Variants in SCFD2 observed in about 807,000 individuals in gnomAD.
SCFD2 encodes the protein sec1 family domain containing 2.
Under a neutral mutation model 58.9 loss-of-function variants are expected in SCFD2, and 54 were observed. That is an observed-to-expected ratio of 0.92 (90% CI 0.74 to 1.15). The LOEUF (loss-of-function observed/expected upper bound fraction) is 1.15. Ranked by LOEUF, SCFD2 falls within the 50% of genes most tolerant of loss-of-function variation. SCFD2 has a pLI of 0.00. For missense variants in SCFD2, 805 were observed against 836.6 expected (o/e 0.96, Z 0.47); for synonymous variants, 321 against 335.9 (o/e 0.96, Z 0.49).
chr4:53,259,959 ATT>A (rs3065029), intron 4 of SCFD2, among the ~76,000 whole-genome samples: 4 of 142,086 alleles, frequency 2.8e-5, no homozygotes, highest in Admixed American at 6.9e-5. Flanking sequence ...ATAACCAGGT[ATT>A]TTTTTTTTTT....
chr4:52,891,400 G>A (rs568880328), intron 7 of SCFD2, among the ~76,000 whole-genome samples: 2 of 152,186 alleles, frequency 1.3e-5, no homozygotes, highest in Non-Finnish European at 2.9e-5. Context: ...AAAATCAGGT[G>A]GGGGAGGGTA....
chr4:53,342,500 A>T (rs1383667938), intron 2 of SCFD2, among the ~76,000 whole-genome samples: 7 of 152,206 alleles, frequency 4.6e-5, no homozygotes, highest in Non-Finnish European at 7.3e-5. Context: ...CTCCAACACA[A>T]TAATAATGGG....
At chr4:53,245,976 C>T (rs1487495254) in intron 4 of SCFD2, among the ~76,000 whole-genome samples, 3 of 152,022 alleles carry the variant, frequency 2.0e-5, no homozygotes, top group African/African-American at 7.2e-5. Flanking sequence ...CACAAAGCTC[C>T]TCAAGCTAAA....
intron 5 of SCFD2, among the ~76,000 whole-genome samples, chr4:52,988,747 C>A (rs919288101): frequency 6.6e-6 from 1 of 152,152 alleles, no homozygotes; most frequent in African/African-American, 2.4e-5. Flanking sequence ...GACTCAGAGG[C>A]AATACAGGAA....
intron 4 of SCFD2, among the ~76,000 whole-genome samples, chr4:53,176,015 CATTTTCTATT>C (rs1196157568): frequency 5.3e-5 from 8 of 152,104 alleles, no homozygotes; most frequent in Non-Finnish European, 7.4e-5. Context: ...CATAGTTGTC[CATTTTCTATT>C]ATTTTCTATC....
chr4:53,173,221 T>C lies in SCFD2; in HGVS notation c.1312-27639A>G, dbSNP rs186991365. Among the ~76,000 whole-genome samples the C allele has an allele frequency of 1.2e-3, 184 of 152,270 alleles. 3 individuals are homozygous for C. The highest frequency in any genetic ancestry group is 3.5e-4 in the Non-Finnish European group (24 of 67,994). ...AATCCATCATAAGTTGAAAATATTA[T>C]AAACAATGTAAATCAAAAGTGCATT... On this transcript the variant is annotated intron_variant, in intron 4 of 8. Transcript: ENST00000401642.
chr4:53,095,738 T>C (rs532666578), intron 5 of SCFD2, among the ~76,000 whole-genome samples: 122 of 152,316 alleles, frequency 8.0e-4, no homozygotes, highest in African/African-American at 2.8e-3. Flanking sequence ...TTTTTTATTA[T>C]ACTTTAAGTT....
intron 5 of SCFD2, among the ~76,000 whole-genome samples, chr4:52,929,510 A>G (rs1298421009): frequency 6.6e-6 from 1 of 152,100 alleles, no homozygotes; most frequent in Admixed American, 6.6e-5. Flanking sequence ...TTCAGGAGAG[A>G]ATGTGACATG....
chr4:53,069,455 A>G (rs1299934433), intron 5 of SCFD2, among the ~76,000 whole-genome samples: 1 of 152,056 alleles, frequency 6.6e-6, no homozygotes, highest in Non-Finnish European at 1.5e-5. Context: ...AAAAGCAGCA[A>G]AATTTCAAAT....
chr4:53,322,322 T>C (rs1431915178), intron 2 of SCFD2, among the ~76,000 whole-genome samples: 2 of 152,160 alleles, frequency 1.3e-5, no homozygotes, highest in African/African-American at 4.8e-5. Flanking sequence ...CGAATTATAA[T>C]GCATTAGCAT....
chr4:53,180,595 G>C (rs1727515752), intron 4 of SCFD2, among the ~76,000 whole-genome samples: 1 of 152,066 alleles, frequency 6.6e-6, no homozygotes, highest in African/African-American at 2.4e-5. Flanking sequence ...AAAAGAACTA[G>C]AAAAGCAAGA....
intron 5 of SCFD2, among the ~76,000 whole-genome samples, chr4:52,951,432 T>C (rs2109530455): frequency 6.6e-6 from 1 of 150,742 alleles, no homozygotes; most frequent in South Asian, 2.1e-4. Flanking sequence ...AACCTGAGAC[T>C]GGGAAATCTT....
At position 53,246,624 on chromosome 4, in the gene SCFD2, T is replaced by A. The variant is rs147925592; in HGVS notation, c.1311+27202A>T. 8.5e-3 allele frequency among the ~76,000 whole-genome samples: 1,299 copies of A among 152,290 alleles called. 12 individuals are homozygous for A. Among genetic ancestry groups the A allele is most frequent in the African/African-American group, 0.03 (1,236 of 41,566 alleles). On this transcript the variant is annotated intron_variant, in intron 4 of 8. Transcript: ENST00000401642. ...GAACTCCCTATTCAATAAATGGTGC[T>A]GGAATAACTGGCTAGCAGAAGATTG...
At chr4:53,194,419 TA>T (rs1728000952) in intron 4 of SCFD2, among the ~76,000 whole-genome samples, 1 of 152,174 alleles carries the variant, frequency 6.6e-6, no homozygotes, top group South Asian at 2.1e-4. Flanking sequence ...TTATATAAGT[TA>T]TTGCTAGCAG....
At chr4:53,107,601 A>C (rs1439950677) in intron 5 of SCFD2, among the ~76,000 whole-genome samples, 1 of 152,216 alleles carries the variant, frequency 6.6e-6, no homozygotes, top group African/African-American at 2.4e-5. Flanking sequence ...AACAGACTTT[A>C]AACCAACAAA....
chr4:53,038,087 G>C (rs1560309472), intron 5 of SCFD2, among the ~76,000 whole-genome samples: 2 of 152,154 alleles, frequency 1.3e-5, no homozygotes, highest in African/African-American at 4.8e-5. Flanking sequence ...TAGGCTGTAA[G>C]TGTAATACTT....
At chr4:53,311,363 TA>T (rs918169812) in intron 3 of SCFD2, among the ~76,000 whole-genome samples, 13 of 151,962 alleles carry the variant, frequency 8.6e-5, no homozygotes, top group Non-Finnish European at 1.5e-4. Flanking sequence ...AATTCTATCT[TA>T]AAAAAAATTT....
intron 8 of SCFD2, among the ~76,000 whole-genome samples, chr4:52,877,598 G>A (rs1718508952): frequency 6.6e-6 from 1 of 152,216 alleles, no homozygotes; most frequent in African/African-American, 2.4e-5. Flanking sequence ...GAACATCTTC[G>A]TAAAATATCT....
chr4:53,292,931 A>G (rs1731892314), intron 3 of SCFD2, among the ~76,000 whole-genome samples: 1 of 152,126 alleles, frequency 6.6e-6, no homozygotes, highest in Non-Finnish European at 1.5e-5. Context: ...TGGGGCTTAA[A>G]ACCTAGAAGA....
Sources: allele counts gnomAD v4.1 joint callset (sites outside exome capture counted in the v4.1 genomes callset), GRCh38; gene constraint gnomAD v4.1.1; transcripts MANE v1.5; gene names NCBI Gene and HGNC (gene_info 2026-07-23, HGNC 2026-07-21).